XIRP2: variants seen among roughly 807,000 people sequenced by gnomAD.
The protein encoded by XIRP2 is xin actin binding repeat containing 2.
A neutral mutation model predicts 277.0 loss-of-function variants in XIRP2; 236 were observed. The observed-to-expected ratio is 0.85, with a 90% CI of 0.77 to 0.95. The LOEUF is 0.95. Ranked by LOEUF, XIRP2 falls within the 40% of genes least tolerant of loss-of-function variation. The pLI is 0.00. For missense variants in XIRP2, 4,640 were observed against 4,157.5 expected, an observed-to-expected ratio of 1.12 and a Z score of -3.19; for synonymous variants, 1,490 against 1,416.5, an observed-to-expected ratio of 1.05 and a Z score of -1.17.
chr2:167,248,235 T>C lies in XIRP2; in HGVS notation c.6843T>C (p.Asn2281=), dbSNP rs201898853. 1.2e-6 allele frequency: 2 copies of C among 1,613,498 alleles called. No homozygotes were observed. Among genetic ancestry groups the C allele is most frequent in the Admixed American group, 1.7e-5 (1 of 59,938 alleles). ...LNPINFNPEN[N]VKESECPLPP... ...CAATCAACTTTAACCCTGAGAATAA[T>C]GTAAAAGAAAGTGAGTGCCCCCTTC... The change falls in exon 9 of 11, where the codon AAT becomes AAC. Residue 2281 remains asparagine (N), a synonymous_variant. Transcript: ENST00000409195.
In XIRP2 at chr2:167,082,607, A is replaced by G. The variant is rs188275314; in HGVS notation, c.409-53302A>G. Among the ~76,000 whole-genome samples, 554 of 152,142 alleles carry G rather than the reference A, an allele frequency of 3.6e-3. 1 individual carries two copies. Among genetic ancestry groups the G allele is most frequent in the Admixed American group, 6.0e-3 (92 of 15,268 alleles). ...TTTCTCCACATGCTCTCCAGCACCT[A>G]TTGTTTCCTGACTTTTTAATGATTG... On this transcript the variant is annotated intron_variant, in intron 2 of 10. Transcript: ENST00000409195.
At chr2:167,032,965 A>C (rs1321448429) in intron 2 of XIRP2, among the ~76,000 whole-genome samples, 1 of 152,136 alleles carries the variant, frequency 6.6e-6, no homozygotes, top group East Asian at 1.9e-4. Flanking sequence ...AATGATTATA[A>C]ATCATTCTAC....
At chr2:167,128,369 G>A (rs1272638555) in intron 2 of XIRP2, among the ~76,000 whole-genome samples, 1 of 152,116 alleles carries the variant, frequency 6.6e-6, no homozygotes, top group African/African-American at 2.4e-5. Context: ...TTACATGCAG[G>A]ATTTTTTCAG....
At chr2:167,182,470 C>A (rs1693043957) in intron 3 of XIRP2, among the ~76,000 whole-genome samples, 1 of 152,172 alleles carries the variant, frequency 6.6e-6, no homozygotes, top group Non-Finnish European at 1.5e-5. Flanking sequence ...TGCAGGCCTA[C>A]ACTAAGAATT....
chr2:166,903,861 G>T lies in XIRP2; in HGVS notation c.379G>T (p.Gly127Ter). 6.2e-7 allele frequency: 1 copy of T among 1,613,388 alleles called. No individual in the cohort carries two copies. Among genetic ancestry groups the T allele is most frequent in the Non-Finnish European group, 8.5e-7 (1 of 1,179,552 alleles). Residue 127 changes from glycine to a stop codon, truncating the protein, a stop_gained, in exon 2 of 11, where the codon GGA becomes TGA. Transcript: ENST00000409195. LOFTEE classifies it high-confidence loss of function. ...LRSVFEAPKS[G>*]NKPAEYGGKE... Reference sequence around the variant, plus strand: ...GAGTGTGTTTGAGGCTCCTAAGAGTGGAAACAAACCAGCTGAGTACGGTGG... The same window carrying T: ...GAGTGTGTTTGAGGCTCCTAAGAGTTGAAACAAACCAGCTGAGTACGGTGG...
At chr2:167,075,243 G>A (rs540567957) in intron 2 of XIRP2, among the ~76,000 whole-genome samples, 7 of 152,250 alleles carry the variant, frequency 4.6e-5, no homozygotes, top group African/African-American at 1.7e-4. Context: ...CAGGGAAAAA[G>A]CATGACACGG....
intron 2 of XIRP2, among the ~76,000 whole-genome samples, chr2:167,114,370 T>C (rs1375525744): frequency 6.6e-6 from 1 of 152,148 alleles, no homozygotes; most frequent in Non-Finnish European, 1.5e-5. Context: ...AGAAAGTCAG[T>C]TTTCAAGCTC....
intron 2 of XIRP2, among the ~76,000 whole-genome samples, chr2:167,098,692 C>T (rs1690397280): frequency 6.6e-6 from 1 of 152,186 alleles, no homozygotes; most frequent in South Asian, 2.1e-4. Flanking sequence ...TGTACCTTTG[C>T]TCTTTGCTGT....
At chr2:167,214,495 A>T (rs1327300517) in intron 4 of XIRP2, among the ~76,000 whole-genome samples, 6 of 149,366 alleles carry the variant, frequency 4.0e-5, no homozygotes, top group Non-Finnish European at 8.9e-5. Flanking sequence ...AAAAAAAAAA[A>T]ATCAACTGTA....
At chr2:167,045,561 G>T (rs1688765303) in intron 2 of XIRP2, among the ~76,000 whole-genome samples, 1 of 151,114 alleles carries the variant, frequency 6.6e-6, no homozygotes, top group Non-Finnish European at 1.5e-5. Context: ...AACAAAAACA[G>T]TAAAAAATGG....
intron 3 of XIRP2, among the ~76,000 whole-genome samples, chr2:167,140,380 G>A (rs1313589923): frequency 6.6e-6 from 1 of 152,106 alleles, no homozygotes; most frequent in African/African-American, 2.4e-5. Flanking sequence ...GGTGCAACAG[G>A]CTACTTTAAA....
At chr2:167,000,464 T>C (rs772876168) in intron 2 of XIRP2, among the ~76,000 whole-genome samples, 3 of 151,956 alleles carry the variant, frequency 2.0e-5, no homozygotes, top group Non-Finnish European at 2.9e-5. Flanking sequence ...TAGTTAGAGC[T>C]AGGGTTAATT....
chr2:167,110,058 A>G (rs1690713033), intron 2 of XIRP2, among the ~76,000 whole-genome samples: 1 of 152,016 alleles, frequency 6.6e-6, no homozygotes, highest in African/African-American at 2.4e-5. Flanking sequence ...AGTTCCTTGT[A>G]GATTCTGTAT....
chr2:166,929,549 T>C (rs1158684631), intron 2 of XIRP2, among the ~76,000 whole-genome samples: 1 of 152,160 alleles, frequency 6.6e-6, no homozygotes, highest in Non-Finnish European at 1.5e-5. Flanking sequence ...TGGTATATTA[T>C]AGTAGTTATC....
intron 3 of XIRP2, among the ~76,000 whole-genome samples, chr2:167,196,663 G>A (rs1384421148): frequency 2.0e-5 from 3 of 152,100 alleles, no homozygotes; most frequent in Admixed American, 2.0e-4. Context: ...CTGGTGAATG[G>A]GACATAGGGC....
chr2:166,899,071 T>C (rs1412225772), intron 1 of XIRP2, among the ~76,000 whole-genome samples: 2 of 152,146 alleles, frequency 1.3e-5, no homozygotes. Context: ...CCCTCTGTTG[T>C]GTGTTTCTCT....
chr2:167,092,684 A>G (rs140949153), intron 2 of XIRP2, among the ~76,000 whole-genome samples: 58 of 152,254 alleles, frequency 3.8e-4, no homozygotes, highest in African/African-American at 1.3e-3. Context: ...TACATCATTT[A>G]TGGATTACAT....
chr2:167,251,265 T>G lies in XIRP2; in HGVS notation c.9873T>G (p.Asp3291Glu). 1 of 1,613,614 alleles carries G rather than the reference T, an allele frequency of 6.2e-7. No individual in the cohort carries two copies. The highest frequency in any genetic ancestry group is 2.2e-5 in the East Asian group (1 of 44,830). ...TGGTGCCCGACACTGAAAGTTATGATGCAGTTGAAATCATCCGCAAGGTTG... is the reference window on the plus strand; with the variant it reads ...TGGTGCCCGACACTGAAAGTTATGAGGCAGTTGAAATCATCCGCAAGGTTG... The part of the protein sequence containing the change: ...DHMVPDTESY[D>E]AVEIIRKVAV... Residue 3291 changes from aspartate to glutamate, a missense_variant, in exon 9 of 11, where the codon GAT becomes GAG. Transcript: ENST00000409195.
chr2:167,046,528 C>T (rs544879699), intron 2 of XIRP2, among the ~76,000 whole-genome samples: 2 of 151,938 alleles, frequency 1.3e-5, no homozygotes, highest in Non-Finnish European at 2.9e-5. Flanking sequence ...AACCTAGATG[C>T]CCATCAGTGG....
Sources: allele counts gnomAD v4.1 joint callset (sites outside exome capture counted in the v4.1 genomes callset), GRCh38; gene constraint gnomAD v4.1.1; transcripts MANE v1.5; gene names NCBI Gene and HGNC (gene_info 2026-07-23, HGNC 2026-07-21).